The following DOCK3 variants were observed in gnomAD, a reference collection of about 807,000 sequenced individuals.
DOCK3 encodes dedicator of cytokinesis 3.
Under a neutral mutation model 265.6 loss-of-function variants are expected in DOCK3, and 60 were observed. The observed-to-expected ratio is 0.23, with a 90% CI of 0.18 to 0.28. The LOEUF (loss-of-function observed/expected upper bound fraction) is 0.28, where lower values mean the gene tolerates loss of function less well. DOCK3 is among the 10% of genes least tolerant of loss of function. The probability of loss-of-function intolerance (pLI) is 1.00; values close to 1 mark genes in which losing one functional copy is unlikely to be tolerated. For missense variants in DOCK3, 1,981 were observed against 2,594.3 expected (o/e 0.76, Z 5.14); for synonymous variants, 881 against 938.0 (o/e 0.94, Z 1.11).
Position 51,359,189 on chromosome 3 carries a change from C to A in DOCK3, c.4884+1112C>A, listed in dbSNP as rs1292328125. Among the ~76,000 whole-genome samples, 1 of 152,196 alleles carries A rather than the reference C, an allele frequency of 6.6e-6. No individual in the cohort carries two copies. Among genetic ancestry groups the A allele is most frequent in the East Asian group, 1.9e-4 (1 of 5,200 alleles). The stretch of plus-strand genomic sequence containing the variant: ...ACTACTTAAACTCAGTGGGCCTGAC[C>A]CATTTGGGGCGGACCTGCTGTGTTC... On this transcript the variant is annotated intron_variant, in intron 46 of 52. Coordinates refer to ENST00000266037, the MANE Select transcript of DOCK3 (RefSeq NM_004947.5). This position sits in a 1 kb window ranked among gnomAD's most constrained non-coding sequence, Gnocchi z 4.8.
At chr3:50,857,939 A>G (rs2046691111) in intron 3 of DOCK3, among the ~76,000 whole-genome samples, 1 of 152,234 alleles carries the variant, frequency 6.6e-6, no homozygotes, top group African/African-American at 2.4e-5. Context: ...TGTATACCCA[A>G]AGGATTATAA....
In DOCK3 at chr3:51,246,753, T is replaced by C. The variant is rs1181418780; in HGVS notation, c.2130T>C (p.Tyr710=). The change falls in exon 22 of 53, where the codon TAT becomes TAC. Residue 710 remains tyrosine (Y), a synonymous_variant. Coordinates refer to ENST00000266037, the MANE Select transcript of DOCK3 (RefSeq NM_004947.5). The part of the protein sequence containing the change: ...YKELIRCLKW[Y]MDCSAELIRQ... ...AGCTCATCCGCTGTTTGAAGTGGTA[T>C]ATGGACTGCTCAGCAGAACTGATTC... 2 of 1,613,488 alleles carry C rather than the reference T, an allele frequency of 1.2e-6. No homozygotes were observed. Among genetic ancestry groups the C allele is most frequent in the Admixed American group, 3.3e-5 (2 of 59,952 alleles).
chr3:51,313,351 T>C (rs1479646683), intron 31 of DOCK3, among the ~76,000 whole-genome samples: 3 of 152,234 alleles, frequency 2.0e-5, no homozygotes, highest in Non-Finnish European at 4.4e-5. Context: ...CTGGTATTCA[T>C]GCATCCAGAT....
At chr3:51,049,505 T>C (rs1376999608) in intron 5 of DOCK3, among the ~76,000 whole-genome samples, 2 of 152,164 alleles carry the variant, frequency 1.3e-5, no homozygotes, top group East Asian at 3.8e-4. Context: ...GTCAGTTTTC[T>C]TTCGAGGGTA....
At chr3:51,350,196 T>C in intron 39 of DOCK3, 92 bp from the exon 40 acceptor site, 1 of 1,129,190 alleles carries the variant, frequency 8.9e-7, no homozygotes. Context: ...CCATGATCCC[T>C]TTCCAGAAGA....
At chr3:50,710,031 C>T (rs1055879533) in intron 1 of DOCK3, among the ~76,000 whole-genome samples, 1 of 152,056 alleles carries the variant, frequency 6.6e-6, no homozygotes, top group Non-Finnish European at 1.5e-5. Context: ...AGACTCCCAT[C>T]TCTTAAAAAA....
intron 1 of DOCK3, among the ~76,000 whole-genome samples, chr3:50,743,729 A>G (rs907385221): frequency 1.3e-5 from 2 of 152,202 alleles, no homozygotes; most frequent in African/African-American, 4.8e-5. Flanking sequence ...AGACTCCTAC[A>G]CAATAATAAT....
chr3:51,338,836 C>A, intron 36 of DOCK3, 99 bp from the exon 37 acceptor site: 2 of 998,682 alleles, frequency 2.0e-6, no homozygotes, highest in Non-Finnish European at 3.1e-6. Flanking sequence ...GCCTGCCCTC[C>A]CCCTCCTGCC....
chr3:50,781,418 A>G (rs2041914787), intron 2 of DOCK3, among the ~76,000 whole-genome samples: 1 of 151,756 alleles, frequency 6.6e-6, no homozygotes, highest in Non-Finnish European at 1.5e-5. Flanking sequence ...GGTGCACAAC[A>G]TCATCAGGCC....
At chr3:50,906,953 G>A (rs990407947) in intron 4 of DOCK3, among the ~76,000 whole-genome samples, 1 of 151,988 alleles carries the variant, frequency 6.6e-6, no homozygotes, top group Non-Finnish European at 1.5e-5. Context: ...CTGGTATGTT[G>A]TGTCTTTGTT....
chr3:50,919,479 A>G (rs934983389), intron 4 of DOCK3, among the ~76,000 whole-genome samples: 7 of 152,078 alleles, frequency 4.6e-5, no homozygotes, highest in African/African-American at 7.2e-5. Context: ...CATCCCTTGT[A>G]AGTTATATTC....
At position 51,066,528 on chromosome 3, in the gene DOCK3, C is replaced by T. The variant is rs2081597280; in HGVS notation, c.464+1932C>T. 2.0e-5 allele frequency among the ~76,000 whole-genome samples: 3 copies of T among 151,996 alleles called. No individual in the cohort carries two copies. In the South Asian group the frequency reaches 6.2e-4, roughly 31 times the overall value. Reference sequence around the variant, plus strand: ...CAGAGTTCTGTAGGGAAATGATTTGCCAGCCAGAGTTTTATTTTACAAATC... The same window carrying T: ...CAGAGTTCTGTAGGGAAATGATTTGTCAGCCAGAGTTTTATTTTACAAATC... On this transcript the variant is annotated intron_variant, in intron 6 of 52. Coordinates refer to ENST00000266037, the MANE Select transcript of DOCK3 (RefSeq NM_004947.5).
intron 5 of DOCK3, among the ~76,000 whole-genome samples, chr3:51,024,934 G>A (rs779597860): frequency 1.8e-4 from 27 of 152,198 alleles, no homozygotes; most frequent in Non-Finnish European, 2.6e-4. Flanking sequence ...CCGAGGTCAT[G>A]CAGCTGTTTT....
intron 1 of DOCK3, among the ~76,000 whole-genome samples, chr3:50,707,959 C>G (rs1037238746): frequency 1.3e-5 from 2 of 152,094 alleles, no homozygotes; most frequent in African/African-American, 4.8e-5. Flanking sequence ...ATGAGGTGCA[C>G]ATAGGTGTTT....
chr3:50,958,819 G>A (rs1417760703), intron 5 of DOCK3, among the ~76,000 whole-genome samples: 1 of 151,934 alleles, frequency 6.6e-6, no homozygotes, highest in Non-Finnish European at 1.5e-5. Flanking sequence ...ACTTCAGTGA[G>A]CCCCCCCAAA....
At chr3:51,090,469 G>T in intron 9 of DOCK3, 85 bp downstream of exon 9, 1 of 1,364,360 alleles carries the variant, frequency 7.3e-7, no homozygotes, top group East Asian at 2.6e-5. Flanking sequence ...GAAGACAGAT[G>T]CACAGAAGAG....
At chr3:51,063,564 C>G (rs1348704353) in intron 5 of DOCK3, among the ~76,000 whole-genome samples, 1 of 152,150 alleles carries the variant, frequency 6.6e-6, no homozygotes, top group Non-Finnish European at 1.5e-5. Context: ...AGATATTTTA[C>G]TAACATCTTA....
chr3:51,014,463 A>G (rs1463990908), intron 5 of DOCK3, among the ~76,000 whole-genome samples: 2 of 152,022 alleles, frequency 1.3e-5, no homozygotes, highest in Non-Finnish European at 2.9e-5. Flanking sequence ...GTTTGATCAT[A>G]TTATTTTCCA....
chr3:50,993,643 T>C (rs2078185332), intron 5 of DOCK3, among the ~76,000 whole-genome samples: 1 of 152,228 alleles, frequency 6.6e-6, no homozygotes, highest in Non-Finnish European at 1.5e-5. Context: ...TCTATAGTTT[T>C]ACTAAATAGT....
Sources: allele counts gnomAD v4.1 joint callset (sites outside exome capture counted in the v4.1 genomes callset), GRCh38; gene constraint gnomAD v4.1.1; non-coding constraint Gnocchi (gnomAD v3.1); transcripts MANE v1.5; gene names NCBI Gene and HGNC (gene_info 2026-07-23, HGNC 2026-07-21).